KHDRBS2: variants seen among roughly 807,000 people sequenced by gnomAD.
KHDRBS2 encodes the protein KH domain-containing, RNA-binding, signal transduction-associated protein 2.
In KHDRBS2, 26 loss-of-function variants were observed where a neutral mutation model predicts 44.3. The ratio of observed to expected loss-of-function variants is 0.59; its 90% CI spans 0.43 to 0.81. The LOEUF (loss-of-function observed/expected upper bound fraction) is 0.81, where lower values mean the gene tolerates loss of function less well. Ranked by LOEUF, KHDRBS2 falls within the 40% of genes least tolerant of loss-of-function variation. The pLI, the probability that KHDRBS2 is intolerant of heterozygous loss-of-function variation, is 0.00. For synonymous variants in KHDRBS2, 194 were observed against 151.1 expected (o/e 1.28, Z -2.08); for missense variants, 476 against 433.1 (o/e 1.10, Z -0.88).
chr6:61,570,858 A>G, the KHDRBS2 span, among the ~76,000 whole-genome samples: 2 of 152,126 alleles, frequency 1.3e-5, no homozygotes, highest in Non-Finnish European at 2.9e-5. Context: ...CCTTTTTCAG[A>G]CAAACAAATG....
chr6:61,848,655 A>G lies in KHDRBS2; in HGVS notation c.810+45980T>C, dbSNP rs1235043022. ...TCCTATCTGTTCTTCAATGCACTAT[A>G]TCTCAACTGATCTCTCTGAAGTACT... On this transcript the variant is annotated intron_variant, in intron 6 of 8. Coordinates refer to ENST00000281156, the MANE Select transcript of KHDRBS2 (RefSeq NM_152688.4). Among the ~76,000 whole-genome samples, 9 of 142,090 alleles carry G rather than the reference A, an allele frequency of 6.3e-5. 1 individual carries two copies. The South Asian group carries it at 2.0e-3, about 32-fold the overall frequency. The allele number at this position is 142,090 out of a possible 152,430, so 93.2% of individuals were successfully genotyped here.
chr6:62,007,061 T>C (rs1470581789), intron 3 of KHDRBS2, among the ~76,000 whole-genome samples: 1 of 152,080 alleles, frequency 6.6e-6, no homozygotes, highest in Admixed American at 6.6e-5. Context: ...GGACATTGCT[T>C]CTGTGATCAG....
chr6:61,725,289 T>C (rs1325369743), intron 7 of KHDRBS2, among the ~76,000 whole-genome samples: 1 of 152,082 alleles, frequency 6.6e-6, no homozygotes, highest in Non-Finnish European at 1.5e-5. Context: ...GGGACACAGC[T>C]AAAGTAGTGT....
At chr6:62,073,530 C>CTTTTTTTTTTTTTTTTTTTTT (rs60124030) in intron 2 of KHDRBS2, among the ~76,000 whole-genome samples, 1 of 124,412 alleles carries the variant, frequency 8.0e-6, no homozygotes, top group African/African-American at 3.0e-5. Flanking sequence ...TTTCTTTTTT[C>CTTTTTTTTTTTTTTTTTTTTT]TTTTTTTTTT....
chr6:61,581,850 A>G, the KHDRBS2 span, among the ~76,000 whole-genome samples: 1 of 151,438 alleles, frequency 6.6e-6, no homozygotes, highest in African/African-American at 2.4e-5. Flanking sequence ...CAAAAAGAGT[A>G]TATGAAGTGC....
the KHDRBS2 span, among the ~76,000 whole-genome samples, chr6:61,654,956 T>C: frequency 6.6e-6 from 1 of 151,670 alleles, no homozygotes; most frequent in East Asian, 2.0e-4. Flanking sequence ...CCTGCCAGGG[T>C]ACTTACCCCC....
chr6:61,680,675 A>G lies in KHDRBS2; in HGVS notation c.*288T>C, dbSNP rs930390741. 2 of 228,306 alleles carry G rather than the reference A, an allele frequency of 8.8e-6. No homozygotes were observed. The highest frequency in any genetic ancestry group is 1.7e-5 in the Non-Finnish European group (2 of 117,588). 14.1% of individuals were successfully genotyped at this position (228,306 alleles called of 1,614,324 possible). On this transcript the variant is annotated 3_prime_UTR_variant, in exon 9 of 9. Transcript: ENST00000281156. ...AAAAGAAAAAGAAAAAAAAAAGATTACACACAACAATGAAAAACAACCAAG... is the reference window on the plus strand; with the variant it reads ...AAAAGAAAAAGAAAAAAAAAAGATTGCACACAACAATGAAAAACAACCAAG...
intron 2 of KHDRBS2, among the ~76,000 whole-genome samples, chr6:62,149,146 A>T (rs917463238): frequency 6.6e-6 from 1 of 151,962 alleles, no homozygotes; most frequent in African/African-American, 2.4e-5. Flanking sequence ...AACGATTGAG[A>T]CTCACTGCAG....
At chr6:61,705,900 G>GA (rs1020037429) in intron 7 of KHDRBS2, among the ~76,000 whole-genome samples, 2 of 151,720 alleles carry the variant, frequency 1.3e-5, no homozygotes, top group African/African-American at 2.4e-5. Context: ...TGGTATTGTT[G>GA]AAAATCCATC....
chr6:61,893,666 G>T (rs1027766570), intron 6 of KHDRBS2, among the ~76,000 whole-genome samples: 1 of 151,970 alleles, frequency 6.6e-6, no homozygotes, highest in African/African-American at 2.4e-5. Context: ...ACCAAACACC[G>T]CATGTTCTCA....
At chr6:62,041,626 C>T (rs1299426844) in intron 3 of KHDRBS2, among the ~76,000 whole-genome samples, 2 of 152,012 alleles carry the variant, frequency 1.3e-5, no homozygotes, top group Non-Finnish European at 1.5e-5. Flanking sequence ...AGTTACTATA[C>T]AAGTAGCATT....
At chr6:62,258,817 T>C (rs1218993412) in intron 1 of KHDRBS2, among the ~76,000 whole-genome samples, 2 of 152,034 alleles carry the variant, frequency 1.3e-5, no homozygotes, top group Admixed American at 6.6e-5. Context: ...AAATAAGTAA[T>C]GTTCCTATTG....
At chr6:61,982,473 C>T (rs1291243654) in intron 3 of KHDRBS2, among the ~76,000 whole-genome samples, 1 of 151,954 alleles carries the variant, frequency 6.6e-6, no homozygotes, top group Non-Finnish European at 1.5e-5. Context: ...AGATCGAGAC[C>T]ATCCTGGCTA....
chr6:62,058,421 T>C (rs1790804937), intron 2 of KHDRBS2, among the ~76,000 whole-genome samples: 1 of 152,072 alleles, frequency 6.6e-6, no homozygotes, highest in South Asian at 2.1e-4. Context: ...ATGAATCTCC[T>C]TTTTAATCAG....
chr6:61,677,998 T>G (rs1766040633), downstream of KHDRBS2, among the ~76,000 whole-genome samples: 1 of 151,894 alleles, frequency 6.6e-6, no homozygotes, highest in African/African-American at 2.4e-5. Flanking sequence ...ATCATTAAAG[T>G]TAACATATAT....
the KHDRBS2 span, chr6:61,574,522 A>G: frequency 1.5e-6 from 1 of 651,118 alleles, no homozygotes; most frequent in East Asian, 3.2e-5. Context: ...GCGACCTCGG[A>G]GTATAACCCA....
chr6:62,152,968 C>T (rs537555269), intron 2 of KHDRBS2, among the ~76,000 whole-genome samples: 8 of 152,320 alleles, frequency 5.3e-5, no homozygotes, highest in African/African-American at 1.9e-4. Context: ...CCCGGATCCA[C>T]CTGATAGCAT....
In KHDRBS2 at chr6:61,756,522, A is replaced by C. The variant is rs563048662; in HGVS notation, c.811-23758T>G. On this transcript the variant is annotated intron_variant, in intron 6 of 8. Coordinates refer to ENST00000281156, the MANE Select transcript of KHDRBS2 (RefSeq NM_152688.4). The stretch of plus-strand genomic sequence containing the variant: ...TGATCCGCCAGCCTTGGCCTCCCAA[A>C]GTGCTGGGATTACAGGCATGAGCCA... 1.8e-4 allele frequency among the ~76,000 whole-genome samples: 28 copies of C among 152,270 alleles called. No individual in the cohort carries two copies. In the South Asian group the frequency reaches 5.8e-3, roughly 32 times the overall value.
chr6:62,208,077 C>T (rs1273631097), intron 1 of KHDRBS2, among the ~76,000 whole-genome samples: 1 of 152,168 alleles, frequency 6.6e-6, no homozygotes, highest in Non-Finnish European at 1.5e-5. Flanking sequence ...AATGCTGCTT[C>T]ATTCTCTATA....
Sources: allele counts gnomAD v4.1 joint callset (sites outside exome capture counted in the v4.1 genomes callset), GRCh38; gene constraint gnomAD v4.1.1; transcripts MANE v1.5; gene names NCBI Gene and HGNC (gene_info 2026-07-23, HGNC 2026-07-21).